NALF1: variants seen among roughly 807,000 people sequenced by gnomAD.
The protein encoded by NALF1 is NALCN channel auxiliary factor 1, also known as family with sequence similarity 155 member A.
In NALF1, 3 loss-of-function variants were observed where a neutral mutation model predicts 48.4. That is an observed-to-expected ratio of 0.06 (90% CI 0.03 to 0.16). The LOEUF is 0.16. NALF1 is among the 10% of genes least tolerant of loss of function. The probability of loss-of-function intolerance (pLI) is 1.00; values close to 1 mark genes in which losing one functional copy is unlikely to be tolerated. For missense variants in NALF1, 526 were observed against 571.5 expected, an observed-to-expected ratio of 0.92 and a Z score of 0.81; for synonymous variants, 262 against 245.7, an observed-to-expected ratio of 1.07 and a Z score of -0.62.
chr13:107,683,339 T>TA (rs1228636115), intron 1 of NALF1, among the ~76,000 whole-genome samples: 1 of 152,178 alleles, frequency 6.6e-6, no homozygotes, highest in Admixed American at 6.5e-5. Flanking sequence ...CTACCACCTT[T>TA]AAAAAAATAT....
At chr13:107,177,283 T>C (rs749218231) in intron 2 of NALF1, among the ~76,000 whole-genome samples, 7 of 152,166 alleles carry the variant, frequency 4.6e-5, no homozygotes, top group Admixed American at 6.5e-5. Context: ...AAAATGTCCA[T>C]ACTACCCAAA....
chr13:107,746,428 G>C (rs1233306215), intron 1 of NALF1, among the ~76,000 whole-genome samples: 2 of 152,064 alleles, frequency 1.3e-5, no homozygotes, highest in Non-Finnish European at 2.9e-5. Flanking sequence ...ATAAAATCAG[G>C]TTTCTTTTCA....
chr13:107,612,522 G>A (rs1359512091), intron 1 of NALF1, among the ~76,000 whole-genome samples: 5 of 152,068 alleles, frequency 3.3e-5, no homozygotes, highest in African/African-American at 7.2e-5. Flanking sequence ...CACTGGTATC[G>A]GGAGAATGAG....
chr13:107,738,814 C>T (rs984388477), intron 1 of NALF1, among the ~76,000 whole-genome samples: 4 of 152,084 alleles, frequency 2.6e-5, no homozygotes, highest in African/African-American at 9.6e-5. Flanking sequence ...CAGGTGCCTG[C>T]CAGCATGACC....
intron 2 of NALF1, among the ~76,000 whole-genome samples, chr13:107,206,880 T>A (rs1382745150): frequency 6.6e-6 from 1 of 152,224 alleles, no homozygotes; most frequent in East Asian, 1.9e-4. Flanking sequence ...GAATCCTCGA[T>A]ATCCTAGAGG....
At chr13:107,472,232 G>C (rs1885112365) in intron 1 of NALF1, among the ~76,000 whole-genome samples, 1 of 152,160 alleles carries the variant, frequency 6.6e-6, no homozygotes. Context: ...GGGAGGCTGA[G>C]GCAGGAGAAT....
rs150218086 is a variant in NALF1 at position 107,743,026 on chromosome 13, G to A, written c.915+122656C>T. The stretch of plus-strand genomic sequence containing the variant: ...GTGGCTCTCTGCCTGAGCATGTTTG[G>A]TGACTGCTGGACATGCTCAGTCTGT... On this transcript the variant is annotated intron_variant, in intron 1 of 2. Coordinates refer to ENST00000375915, the MANE Select transcript of NALF1 (RefSeq NM_001080396.3). Among the ~76,000 whole-genome samples, 6 of 152,298 alleles carry A rather than the reference G, an allele frequency of 3.9e-5. No individual in the cohort carries two copies. In the East Asian group the frequency reaches 9.7e-4, roughly 25 times the overall value.
At chr13:107,852,071 G>T (rs1880334187) in intron 1 of NALF1, among the ~76,000 whole-genome samples, 1 of 151,402 alleles carries the variant, frequency 6.6e-6, no homozygotes, top group South Asian at 2.1e-4. Flanking sequence ...CAAAGTGCTG[G>T]GATTACAGGT....
intron 1 of NALF1, among the ~76,000 whole-genome samples, chr13:107,302,108 C>T (rs372350890): frequency 5.9e-5 from 9 of 152,184 alleles, no homozygotes; most frequent in Non-Finnish European, 7.4e-5. Flanking sequence ...TGCATTATCA[C>T]GGGAGTGGGA....
chr13:107,606,862 C>T (rs902006254), intron 1 of NALF1, among the ~76,000 whole-genome samples: 1 of 152,074 alleles, frequency 6.6e-6, no homozygotes, highest in Non-Finnish European at 1.5e-5. Flanking sequence ...ATCTATCTGT[C>T]CTGAAAAGTG....
intron 1 of NALF1, among the ~76,000 whole-genome samples, chr13:107,853,059 T>C (rs1001947749): frequency 6.6e-6 from 1 of 152,192 alleles, no homozygotes; most frequent in Non-Finnish European, 1.5e-5. Context: ...GCCAGCTCTA[T>C]CATAAATTAA....
intron 1 of NALF1, among the ~76,000 whole-genome samples, chr13:107,369,257 T>C (rs543691136): frequency 1.3e-5 from 2 of 152,332 alleles, no homozygotes; most frequent in South Asian, 4.1e-4. Flanking sequence ...TGTTTCAATA[T>C]ATGAAGTATA....
intron 1 of NALF1, among the ~76,000 whole-genome samples, chr13:107,251,764 G>C (rs1277447463): frequency 1.3e-5 from 2 of 152,120 alleles, no homozygotes; most frequent in Non-Finnish European, 2.9e-5. Flanking sequence ...TGTTTAAGTG[G>C]GTATTACACA....
At chr13:107,612,405 G>A (rs1456442078) in intron 1 of NALF1, among the ~76,000 whole-genome samples, 5 of 152,046 alleles carry the variant, frequency 3.3e-5, no homozygotes, top group African/African-American at 1.2e-4. Context: ...GATTGGGGGT[G>A]TGATTCTTCA....
chr13:107,811,489 A>C (rs1274159454), intron 1 of NALF1, among the ~76,000 whole-genome samples: 1 of 152,176 alleles, frequency 6.6e-6, no homozygotes, highest in Non-Finnish European at 1.5e-5. Flanking sequence ...TATGTGGCAT[A>C]TGTATCCTCT....
chr13:107,823,812 C>T (rs1443918003), intron 1 of NALF1, among the ~76,000 whole-genome samples: 2 of 152,152 alleles, frequency 1.3e-5, no homozygotes, highest in Non-Finnish European at 2.9e-5. Context: ...CTGTGTGATA[C>T]TGGGCAAGTG....
intron 1 of NALF1, among the ~76,000 whole-genome samples, chr13:107,576,568 A>C (rs1363264588): frequency 6.6e-6 from 1 of 152,198 alleles, no homozygotes; most frequent in Non-Finnish European, 1.5e-5. Context: ...GGCTACAGTA[A>C]GACTACATAC....
chr13:107,436,122 A>G (rs1884460689), intron 1 of NALF1, among the ~76,000 whole-genome samples: 1 of 152,218 alleles, frequency 6.6e-6, no homozygotes, highest in East Asian at 1.9e-4. Context: ...TTGTGCATGG[A>G]TTAATATATT....
At position 107,769,254 on chromosome 13, in the gene NALF1, A is replaced by G. The variant is rs962873689; in HGVS notation, c.915+96428T>C. Among the ~76,000 whole-genome samples, 242 of 149,236 alleles carry G rather than the reference A, an allele frequency of 1.6e-3. 1 individual carries two copies. Among genetic ancestry groups the G allele is most frequent in the African/African-American group, 5.6e-3 (226 of 40,472 alleles). On this transcript the variant is annotated intron_variant, in intron 1 of 2. Coordinates refer to ENST00000375915, the MANE Select transcript of NALF1 (RefSeq NM_001080396.3). ...ACACATGCACACGTATGTTTACTGC[A>G]GCACTCTTCACAATAGCAAAGACTT...
Sources: allele counts gnomAD v4.1 joint callset (sites outside exome capture counted in the v4.1 genomes callset), GRCh38; gene constraint gnomAD v4.1.1; transcripts MANE v1.5; gene names NCBI Gene and HGNC (gene_info 2026-07-23, HGNC 2026-07-21).